Variants in GRM5 observed in about 807,000 individuals in gnomAD.
The protein encoded by GRM5 is metabotropic glutamate receptor 5.
A neutral mutation model predicts 83.1 loss-of-function variants in GRM5; 19 were observed. That is an observed-to-expected ratio of 0.23 (90% confidence interval 0.16 to 0.34). The LOEUF (loss-of-function observed/expected upper bound fraction) is 0.34. Ranked by LOEUF, GRM5 falls within the 10% of genes least tolerant of loss-of-function variation. The pLI, the probability that GRM5 is intolerant of heterozygous loss-of-function variation, is 1.00. For synonymous variants in GRM5, 675 were observed against 633.6 expected, an observed-to-expected ratio of 1.07 and a Z score of -0.98; for missense variants, 1,160 against 1,588.3, an observed-to-expected ratio of 0.73 and a Z score of 4.58.
chr11:88,649,260 CAT>C (rs1491549922), intron 4 of GRM5, among the ~76,000 whole-genome samples: 37 of 93,720 alleles, frequency 3.9e-4, no homozygotes, highest in African/African-American at 1.2e-3. Context: ...ATATGTATTA[CAT>C]ATATATTATA....
intron 5 of GRM5, 30 bp from the exon 6 acceptor site, chr11:88,597,382 GC>G: frequency 8.3e-7 from 1 of 1,201,298 alleles, no homozygotes; most frequent in Non-Finnish European, 1.2e-6. Context: ...TAATTATGCA[GC>G]TTAAGATGTA....
rs573756875 is a variant in GRM5, at chr11:88,599,968, G to A, written c.1395-2616C>T. Among the ~76,000 whole-genome samples, 9 of 152,246 alleles carry A rather than the reference G, an allele frequency of 5.9e-5. No homozygotes were observed. The East Asian group carries it at 1.2e-3, about 20-fold the overall frequency. On this transcript the variant is annotated intron_variant, in intron 5 of 9. Transcript: ENST00000305447. ...ACGGAGCTTGCAGTGAGCCTAGATC[G>A]CGCCACTGCACTCCAGCCTGGGTGA...
chr11:88,562,144 C>T (rs555173202), intron 8 of GRM5, among the ~76,000 whole-genome samples: 14 of 152,158 alleles, frequency 9.2e-5, no homozygotes, highest in African/African-American at 3.1e-4. Flanking sequence ...TACATGTTTG[C>T]AAAATGATAG....
chr11:89,003,459 G>A (rs1286051441), intron 2 of GRM5, among the ~76,000 whole-genome samples: 1 of 152,076 alleles, frequency 6.6e-6, no homozygotes, highest in Non-Finnish European at 1.5e-5. Context: ...ACTTTTAAAA[G>A]CAATGTAATA....
chr11:88,944,659 T>C (rs527662214), intron 2 of GRM5, among the ~76,000 whole-genome samples: 1 of 151,958 alleles, frequency 6.6e-6, no homozygotes, highest in East Asian at 1.9e-4. Context: ...TTATAAAAAA[T>C]ACACTGGATT....
intron 2 of GRM5, among the ~76,000 whole-genome samples, chr11:89,039,553 T>A (rs921631205): frequency 6.6e-6 from 1 of 152,152 alleles, no homozygotes. Context: ...AAAAATTTTT[T>A]AAATTAAACC....
chr11:88,861,640 A>AT (rs890984288), intron 2 of GRM5, among the ~76,000 whole-genome samples: 6 of 151,642 alleles, frequency 4.0e-5, no homozygotes, highest in African/African-American at 1.2e-4. Context: ...TAATTTTTGT[A>AT]TTTTTTTGTA....
chr11:88,682,435 G>T (rs1940519274), intron 3 of GRM5, among the ~76,000 whole-genome samples: 2 of 152,090 alleles, frequency 1.3e-5, no homozygotes, highest in African/African-American at 4.8e-5. Flanking sequence ...GCAAACAATG[G>T]CTATAATCAG....
At chr11:88,839,853 G>A (rs1402765429) in intron 3 of GRM5, among the ~76,000 whole-genome samples, 1 of 151,766 alleles carries the variant, frequency 6.6e-6, no homozygotes, top group East Asian at 1.9e-4. Context: ...TTTGTATGTG[G>A]TATGCATTAT....
Position 88,795,665 on chromosome 11 carries a change from T to G in GRM5, c.911+54241A>C, listed in dbSNP as rs766876598. Among the ~76,000 whole-genome samples, 7 of 152,326 alleles carry G rather than the reference T, an allele frequency of 4.6e-5. No individual in the cohort carries two copies. In the East Asian group the frequency reaches 1.4e-3, roughly 29 times the overall value. On this transcript the variant is annotated intron_variant, in intron 3 of 9. Coordinates refer to ENST00000305447, the MANE Select transcript of GRM5 (RefSeq NM_001143831.3). Reference sequence around the variant, plus strand: ...CCTATCAATGAGATATTATTAGCACTCTCCATTTTACATATGCATAAATGA... The same window carrying G: ...CCTATCAATGAGATATTATTAGCACGCTCCATTTTACATATGCATAAATGA...
At chr11:88,907,435 TAAGA>T (rs1323030171) in intron 2 of GRM5, among the ~76,000 whole-genome samples, 3 of 152,102 alleles carry the variant, frequency 2.0e-5, no homozygotes, top group Non-Finnish European at 2.9e-5. Context: ...AGAATAAGAC[TAAGA>T]GAGAGAGAAT....
At chr11:88,757,992 T>C (rs1942433327) in intron 3 of GRM5, among the ~76,000 whole-genome samples, 1 of 152,098 alleles carries the variant, frequency 6.6e-6, no homozygotes. Context: ...AGCTGAGCCT[T>C]GCCCCACTAA....
chr11:88,531,466 A>T (rs560361554), intron 8 of GRM5, among the ~76,000 whole-genome samples: 17 of 152,286 alleles, frequency 1.1e-4, no homozygotes, highest in Middle Eastern at 3.4e-3. Flanking sequence ...TGCTAGGAAG[A>T]TTCCATTGAT....
chr11:88,814,514 T>C (rs1943637550), intron 3 of GRM5, among the ~76,000 whole-genome samples: 1 of 152,200 alleles, frequency 6.6e-6, no homozygotes, highest in Admixed American at 6.5e-5. Flanking sequence ...AGTCTTATAA[T>C]TCACAGACAC....
chr11:88,553,022 CAT>C (rs142177889), intron 8 of GRM5, among the ~76,000 whole-genome samples: 2,083 of 152,286 alleles, frequency 0.014, 26 homozygotes, highest in Non-Finnish European at 0.022. Flanking sequence ...ATTCTGCTAA[CAT>C]GTCTTTTTTT....
At chr11:89,034,392 C>T (rs1482131044) in intron 2 of GRM5, among the ~76,000 whole-genome samples, 1 of 151,854 alleles carries the variant, frequency 6.6e-6, no homozygotes, top group Non-Finnish European at 1.5e-5. Flanking sequence ...TTTTTTACTT[C>T]AACCAAAGCT....
chr11:88,846,548 G>C (rs750825142), intron 3 of GRM5, among the ~76,000 whole-genome samples: 5 of 152,226 alleles, frequency 3.3e-5, no homozygotes, highest in Admixed American at 6.5e-5. Flanking sequence ...CAGCAGCAGA[G>C]TTGTCTTAGT....
At chr11:88,774,485 T>C (rs1285510632) in intron 3 of GRM5, among the ~76,000 whole-genome samples, 1 of 152,194 alleles carries the variant, frequency 6.6e-6, no homozygotes, top group African/African-American at 2.4e-5. Context: ...TCCAACACCA[T>C]GCTGAATAGG....
At chr11:88,982,408 T>A (rs1168932938) in intron 2 of GRM5, among the ~76,000 whole-genome samples, 6 of 152,308 alleles carry the variant, frequency 3.9e-5, no homozygotes, top group Non-Finnish European at 8.8e-5. Flanking sequence ...TATGGATCCA[T>A]GAATCATTTG....
Sources: allele counts gnomAD v4.1 joint callset (sites outside exome capture counted in the v4.1 genomes callset), GRCh38; gene constraint gnomAD v4.1.1; transcripts MANE v1.5; gene names NCBI Gene and HGNC (gene_info 2026-07-23, HGNC 2026-07-21).